The following SLC35E4 variants were observed in gnomAD, a reference collection of about 807,000 sequenced individuals.
SLC35E4 encodes solute carrier family 35, member E4.
SLC35E4 carries 15 observed loss-of-function variants against 19.3 expected under a neutral mutation model. That is an observed-to-expected ratio of 0.78 (90% CI 0.52 to 1.20). The LOEUF is 1.20. Among genes scored for constraint, SLC35E4 ranks in the 50% most tolerant of loss-of-function variants. SLC35E4 has a pLI of 0.00. For missense variants in SLC35E4, 406 were observed against 472.3 expected (o/e 0.86, Z 1.30); for synonymous variants, 219 against 219.9 (o/e 1.00, Z 0.04).
rs377497893 is a variant in SLC35E4, at chr22:30,647,008, G to C, written c.1030G>C (p.Asp344His). 2 of 1,608,324 alleles carry C rather than the reference G, an allele frequency of 1.2e-6. No individual in the cohort carries two copies. Among genetic ancestry groups the C allele is most frequent in the Non-Finnish European group, 1.7e-6 (2 of 1,177,844 alleles). The change falls in exon 2 of 2, where the codon GAC becomes CAC. Residue 344 changes from aspartate (D) to histidine (H), a missense_variant. By Grantham distance (81) the Asp-to-His change is moderately conservative. Coordinates refer to ENST00000343605, the MANE Select transcript of SLC35E4 (RefSeq NM_001001479.4). ...TGCCCGTCGGGGGCTGTGGCGGAGG[G>C]ACCAGCCCAGCAAGGGTCTTTGAGA... ...WAARRGLWRRDQPSKGL is the reference protein window; with the variant it reads ...WAARRGLWRRHQPSKGL
chr22:30,664,068 T>C (rs1170219338), downstream of SLC35E4: 2 of 1,465,778 alleles, frequency 1.4e-6, no homozygotes, highest in Non-Finnish European at 1.9e-6. Flanking sequence ...TGCTAGGCTG[T>C]GTCCATGGAA....
chr22:30,657,276 A>C (rs9609034), intron 2 of SLC35E4, among the ~76,000 whole-genome samples: 21 of 14,180 alleles, frequency 1.5e-3, no homozygotes, highest in East Asian at 0.05. Context: ...CTCTACTAAA[A>C]ACACACACAC....
At chr22:30,646,478 C>T (rs1160705602) in intron 1 of SLC35E4, 120 bp from the exon 2 acceptor site, 1 of 1,178,124 alleles carries the variant, frequency 8.5e-7, no homozygotes, top group African/African-American at 1.5e-5. Context: ...GATCAGGAGC[C>T]ACTAGCCCTG....
intron 2 of SLC35E4, among the ~76,000 whole-genome samples, chr22:30,659,504 G>A (rs539461200): frequency 7.2e-5 from 11 of 152,130 alleles, no homozygotes; most frequent in Admixed American, 5.9e-4. Context: ...CTCCCGGGTA[G>A]CTGTGATTAC....
downstream of SLC35E4, chr22:30,668,033 A>G (rs75490016): frequency 0.19 from 29,351 of 157,204 alleles, 3,114 homozygotes; most frequent in African/African-American, 0.29. Context: ...CCCAACGACC[A>G]TGGCTTCCAA....
At chr22:30,637,944 G>A (rs185042206) in intron 1 of SLC35E4, among the ~76,000 whole-genome samples, 3 of 152,312 alleles carry the variant, frequency 2.0e-5, no homozygotes, top group East Asian at 3.9e-4. Flanking sequence ...CTAAGTCTGG[G>A]GAGGGCTGTT....
exon 3 of SLC35E4, chr22:30,668,628 T>C (rs1467376824): frequency 2.0e-5 from 3 of 152,196 alleles, no homozygotes; most frequent in African/African-American, 7.2e-5. Context: ...GCTGTGACTC[T>C]CCTTAGAGCC....
At chr22:30,654,906 A>G (rs989550979) in intron 2 of SLC35E4, 1 of 167,558 alleles carries the variant, frequency 6.0e-6, no homozygotes, top group African/African-American at 2.4e-5. Context: ...CCTCTGCCAG[A>G]TTTCCCTGGA....
rs766519195 is a variant in SLC35E4 at position 30,646,836 on chromosome 22, C to T, written c.858C>T (p.Val286=). The change falls in exon 2 of 2, where the codon GTC becomes GTT. Residue 286 remains valine, a synonymous_variant. Transcript: ENST00000343605. ...LALTSALTVH[V]LGNLTVVGNL... ...TCACCTCTGCCCTCACCGTCCACGT[C>T]CTGGGCAACCTCACCGTGGTGGGCA... is the stretch of plus-strand genomic sequence containing the variant. 1.2e-5 allele frequency: 19 copies of T among 1,614,252 alleles called. No individual in the cohort carries two copies. The highest frequency in any genetic ancestry group is 1.6e-5 in the Non-Finnish European group (19 of 1,180,046).
intron 2 of SLC35E4, among the ~76,000 whole-genome samples, chr22:30,659,844 G>A (rs977315553): frequency 6.6e-6 from 1 of 152,152 alleles, no homozygotes; most frequent in Non-Finnish European, 1.5e-5. Flanking sequence ...TTAAAGCAGA[G>A]TGATTCTCTC....
At chr22:30,657,299 ACACACAC>A (rs1569065199) in intron 2 of SLC35E4, among the ~76,000 whole-genome samples, 6 of 64,240 alleles carry the variant, frequency 9.3e-5, no homozygotes, top group African/African-American at 1.9e-4. Flanking sequence ...ACACACACAC[ACACACAC>A]AAATTAGCCG....
At chr22:30,637,111 T>G (rs1482794266) in intron 1 of SLC35E4, 42 bp downstream of exon 1, 1 of 1,532,264 alleles carries the variant, frequency 6.5e-7, no homozygotes, top group East Asian at 2.3e-5. Flanking sequence ...GGGGTCCGGG[T>G]GGGTGCATGG....
downstream of SLC35E4, among the ~76,000 whole-genome samples, chr22:30,664,489 A>T (rs2088581983): frequency 6.6e-6 from 1 of 152,102 alleles, no homozygotes; most frequent in Non-Finnish European, 1.5e-5. Flanking sequence ...TGCTCTTCCA[A>T]ATTCTCTCCT....
At chr22:30,663,804 A>G (rs776403144), downstream of SLC35E4, 8 of 1,614,106 alleles carry the variant, frequency 5.0e-6, no homozygotes, top group Non-Finnish European at 6.8e-6. Flanking sequence ...AGGTACCTGC[A>G]TGTACTGGAT....
chr22:30,637,761 G>A (rs969888018), intron 1 of SLC35E4, among the ~76,000 whole-genome samples: 27 of 152,302 alleles, frequency 1.8e-4, no homozygotes, highest in African/African-American at 6.3e-4. Flanking sequence ...CTTGCCCTGG[G>A]CCACGTGGCC....
At chr22:30,663,950 G>A (rs774890036), downstream of SLC35E4, 55 of 1,614,068 alleles carry the variant, frequency 3.4e-5, no homozygotes, top group Non-Finnish European at 4.3e-5. Flanking sequence ...GCGAGAGGCC[G>A]CTGACTGAGG....
Position 30,636,286 on chromosome 22 carries a change from C to T in SLC35E4, c.-165C>T, listed in dbSNP as rs1602067538. 5.9e-6 allele frequency: 6 copies of T among 1,010,962 alleles called. No homozygotes were observed. The highest frequency in any genetic ancestry group is 8.3e-6 in the Non-Finnish European group (6 of 724,498). 62.6% of individuals were successfully genotyped at this position (1,010,962 alleles called of 1,614,324 possible). ...CTGGAAACACAGCTTAGCTTCTAGA[C>T]ATCGCTGGCACAGGCCTGGCACAAG... On this transcript the variant is annotated 5_prime_UTR_variant, in exon 1 of 2. Coordinates refer to ENST00000343605, the MANE Select transcript of SLC35E4 (RefSeq NM_001001479.4).
At chr22:30,651,780 A>T (rs1047271310), downstream of SLC35E4, among the ~76,000 whole-genome samples, 1 of 152,064 alleles carries the variant, frequency 6.6e-6, no homozygotes, top group Non-Finnish European at 1.5e-5. Flanking sequence ...TTTATCTCAA[A>T]ATCTTATGGC....
intron 1 of SLC35E4, among the ~76,000 whole-genome samples, chr22:30,646,393 G>T (rs2088129159): frequency 6.6e-6 from 1 of 152,154 alleles, no homozygotes; most frequent in South Asian, 2.1e-4. Context: ...ATGAGCCCAG[G>T]TCACAGCTAC....
Sources: gnomAD v4.1 joint callset for allele counts (sites outside exome capture counted in the v4.1 genomes callset) on GRCh38, gnomAD v4.1.1 for gene constraint, MANE v1.5 for transcripts, NCBI Gene and HGNC (gene_info 2026-07-23, HGNC 2026-07-21) for gene names.